The following CTNNA2 variants were observed in gnomAD, a reference collection of about 807,000 sequenced individuals.
CTNNA2 encodes the protein catenin alpha 2, also known as catenin alpha-2.
A neutral mutation model predicts 101.0 loss-of-function variants in CTNNA2; 42 were observed. The ratio of observed to expected loss-of-function variants is 0.42; its 90% CI spans 0.32 to 0.54. The LOEUF (loss-of-function observed/expected upper bound fraction) is 0.54. Among genes scored for constraint, CTNNA2 ranks in the 20% least tolerant of loss-of-function variants. The pLI, the probability that CTNNA2 is intolerant of heterozygous loss-of-function variation, is 0.14. For missense variants in CTNNA2, 871 were observed against 1,223.1 expected (o/e 0.71, Z 4.29); for synonymous variants, 450 against 456.4 (o/e 0.99, Z 0.18).
At chr2:80,236,675 A>G (rs1270345027) in intron 7 of CTNNA2, among the ~76,000 whole-genome samples, 2 of 152,188 alleles carry the variant, frequency 1.3e-5, no homozygotes, top group African/African-American at 4.8e-5. Flanking sequence ...CCTATAGATT[A>G]TTGTCTGTTT....
chr2:79,919,018 G>C (rs1334084027), intron 7 of CTNNA2, among the ~76,000 whole-genome samples: 2 of 152,190 alleles, frequency 1.3e-5, no homozygotes, highest in Admixed American at 1.3e-4. Flanking sequence ...TGGAAAGCAG[G>C]GCTGGGAGTT....
At chr2:79,711,384 T>C (rs1022601331) in intron 2 of CTNNA2, among the ~76,000 whole-genome samples, 1 of 152,182 alleles carries the variant, frequency 6.6e-6, no homozygotes, top group Non-Finnish European at 1.5e-5. Context: ...TATGCTCTCA[T>C]CTGATTAATA....
intron 2 of CTNNA2, among the ~76,000 whole-genome samples, chr2:79,720,940 C>A (rs1686442291): frequency 6.6e-6 from 1 of 151,860 alleles, no homozygotes; most frequent in Non-Finnish European, 1.5e-5. Flanking sequence ...AAGGAAAGGC[C>A]AAATGGAATA....
intron 7 of CTNNA2, among the ~76,000 whole-genome samples, chr2:80,047,830 A>C (rs1696627035): frequency 6.6e-6 from 1 of 152,164 alleles, no homozygotes; most frequent in South Asian, 2.1e-4. Flanking sequence ...CATAGAAGAC[A>C]ATTTCCCAGG....
At chr2:80,347,957 C>G (rs1672920337) in intron 7 of CTNNA2, among the ~76,000 whole-genome samples, 1 of 151,296 alleles carries the variant, frequency 6.6e-6, no homozygotes, top group South Asian at 2.1e-4. Context: ...GTCCTGCAGT[C>G]AGAGTGCCCG....
chr2:80,041,414 A>G (rs1263125402), intron 7 of CTNNA2, among the ~76,000 whole-genome samples: 1 of 152,062 alleles, frequency 6.6e-6, no homozygotes, highest in Non-Finnish European at 1.5e-5. Flanking sequence ...ACAAGAATCT[A>G]TTTGCTTTGT....
intron 1 of CTNNA2, among the ~76,000 whole-genome samples, chr2:79,517,102 G>A (rs891547606): frequency 6.6e-6 from 1 of 152,176 alleles, no homozygotes; most frequent in African/African-American, 2.4e-5. Context: ...TTTGCATGGA[G>A]CAGGTTAAGT....
chr2:79,545,560 T>C (rs976993397), intron 1 of CTNNA2, among the ~76,000 whole-genome samples: 2 of 152,220 alleles, frequency 1.3e-5, no homozygotes, highest in Non-Finnish European at 2.9e-5. Flanking sequence ...ACTTTAACTA[T>C]AAACACACTA....
intron 15 of CTNNA2, among the ~76,000 whole-genome samples, chr2:80,602,262 C>CT (rs1178849380): frequency 6.6e-6 from 1 of 151,962 alleles, no homozygotes; most frequent in Non-Finnish European, 1.5e-5. Context: ...AGACATGCTT[C>CT]TTTTCATTCT....
At position 79,523,556 on chromosome 2, in the gene CTNNA2, A is replaced by T. The variant is rs565723007; in HGVS notation, c.-6+10349A>T. On this transcript the variant is annotated intron_variant, in intron 1 of 18. Coordinates refer to ENST00000402739, the MANE Select transcript of CTNNA2 (RefSeq NM_001282597.3). ...TTATGCTATTTCAAACAATGCTAAG[A>T]TGAACATCCTTATACAGGTTTATTG... Among the ~76,000 whole-genome samples, 131 of 152,244 alleles carry T rather than the reference A, an allele frequency of 8.6e-4. No individual in the cohort carries two copies. The Middle Eastern group carries it at 0.014, about 16-fold the overall frequency.
In CTNNA2 at chr2:80,167,829, T is replaced by C. The variant is rs1704798157; in HGVS notation, c.1057-225382T>C. Reference sequence around the variant, plus strand: ...TTCAGCTCTTAGAGGGAAAAATGCCTGAAAATAAAGTAGCTAATACGTGAT... The same window carrying C: ...TTCAGCTCTTAGAGGGAAAAATGCCCGAAAATAAAGTAGCTAATACGTGAT... On this transcript the variant is annotated intron_variant, in intron 7 of 18. Transcript: ENST00000402739. Among the ~76,000 whole-genome samples, 5 of 152,176 alleles carry C rather than the reference T, an allele frequency of 3.3e-5. No homozygotes were observed. In the South Asian group the frequency reaches 1.0e-3, roughly 32 times the overall value.
At chr2:80,529,281 T>C (rs1305440599) in intron 9 of CTNNA2, among the ~76,000 whole-genome samples, 7 of 152,198 alleles carry the variant, frequency 4.6e-5, no homozygotes, top group Non-Finnish European at 8.8e-5. Flanking sequence ...AAAACCATTC[T>C]TAGCTTTAAA....
intron 3 of CTNNA2, among the ~76,000 whole-genome samples, chr2:79,766,683 A>G (rs936135132): frequency 1.4e-4 from 21 of 151,192 alleles, no homozygotes; most frequent in African/African-American, 4.9e-4. Flanking sequence ...TTTTGAGGCT[A>G]TTTTCTAGAT....
chr2:80,545,144 T>G, intron 10 of CTNNA2, 70 bp downstream of exon 10: 1 of 1,418,696 alleles, frequency 7.0e-7, no homozygotes, highest in East Asian at 2.3e-5. Flanking sequence ...GTGCCCCTCC[T>G]TTTCCTTCTC....
chr2:79,942,466 G>A (rs531170737), intron 7 of CTNNA2, among the ~76,000 whole-genome samples: 86 of 152,238 alleles, frequency 5.6e-4, no homozygotes, highest in Non-Finnish European at 9.0e-4. Flanking sequence ...AAAACAAAAG[G>A]GAAAACATTA....
intron 2 of CTNNA2, among the ~76,000 whole-genome samples, chr2:79,235,024 C>A (rs149396681): frequency 9.7e-4 from 147 of 152,274 alleles, no homozygotes; most frequent in African/African-American, 3.5e-3. Flanking sequence ...ATGTCCATCA[C>A]TTCAGTCATC....
chr2:79,453,258 C>T (rs760721977), intron 4 of CTNNA2, among the ~76,000 whole-genome samples: 5 of 152,108 alleles, frequency 3.3e-5, no homozygotes, highest in Non-Finnish European at 7.4e-5. Context: ...TTGATGTTAG[C>T]TTTAAAGCAT....
intron 18 of CTNNA2, among the ~76,000 whole-genome samples, chr2:80,642,360 A>G (rs940447145): frequency 1.4e-4 from 21 of 152,132 alleles, no homozygotes; most frequent in African/African-American, 5.1e-4. Context: ...ACTGTCATAC[A>G]GTGTTAAAAC....
rs1264913078 is a variant in CTNNA2, at chr2:79,531,211, T to G, written c.-6+18004T>G. Among the ~76,000 whole-genome samples, 52 of 90,610 alleles carry G rather than the reference T, an allele frequency of 5.7e-4. 2 individuals carry two copies. Among genetic ancestry groups the G allele is most frequent in the African/African-American group, 2.7e-3 (50 of 18,760 alleles). The allele number at this position is 90,610 out of a possible 152,430, so 59.4% of individuals were successfully genotyped here. The stretch of plus-strand genomic sequence containing the variant: ...AGATACGCTCATATATATATATATA[T>G]ATATATATATATATATATATATATA... On this transcript the variant is annotated intron_variant, in intron 1 of 18. Coordinates refer to ENST00000402739, the MANE Select transcript of CTNNA2 (RefSeq NM_001282597.3).
Sources: allele counts gnomAD v4.1 joint callset (sites outside exome capture counted in the v4.1 genomes callset), GRCh38; gene constraint gnomAD v4.1.1; transcripts MANE v1.5; gene names NCBI Gene and HGNC (gene_info 2026-07-23, HGNC 2026-07-21).